DLGAP2: variants seen among roughly 807,000 people sequenced by gnomAD.
DLGAP2 encodes the protein disks large-associated protein 2.
Under a neutral mutation model 100.3 loss-of-function variants are expected in DLGAP2, and 26 were observed. The observed-to-expected ratio is 0.26, with a 90% confidence interval of 0.19 to 0.36. The LOEUF is 0.36. Ranked by LOEUF, DLGAP2 falls within the 10% of genes least tolerant of loss-of-function variation. The pLI is 1.00. For missense variants in DLGAP2, 1,858 were observed against 1,453.2 expected, an observed-to-expected ratio of 1.28 and a Z score of -4.53; for synonymous variants, 886 against 630.1, an observed-to-expected ratio of 1.41 and a Z score of -6.08.
At chr8:1,223,623 C>A (rs1254682887) in intron 2 of DLGAP2, among the ~76,000 whole-genome samples, 1 of 152,194 alleles carries the variant, frequency 6.6e-6, no homozygotes, top group South Asian at 2.1e-4. Context: ...GCCTTAAACA[C>A]TAGAGACATA....
At chr8:1,179,041 G>C (rs75069108) in intron 2 of DLGAP2, among the ~76,000 whole-genome samples, 5 of 152,184 alleles carry the variant, frequency 3.3e-5, no homozygotes, top group African/African-American at 1.2e-4. Flanking sequence ...TTCTATAAGG[G>C]GTTGAGTTTT....
At chr8:1,061,335 T>A (rs1348411166) in intron 2 of DLGAP2, among the ~76,000 whole-genome samples, 3 of 152,104 alleles carry the variant, frequency 2.0e-5, no homozygotes, top group African/African-American at 7.2e-5. Context: ...GTTTCTACCA[T>A]CAGCTTTCTT....
chr8:882,008 C>T (rs1243885651), intron 1 of DLGAP2, among the ~76,000 whole-genome samples: 12 of 152,136 alleles, frequency 7.9e-5, no homozygotes, highest in East Asian at 1.9e-4. Flanking sequence ...TTCCAGAGGG[C>T]ATAAGTGCTC....
intron 2 of DLGAP2, among the ~76,000 whole-genome samples, chr8:1,033,677 G>A (rs1184539271): frequency 6.6e-6 from 1 of 152,046 alleles, no homozygotes; most frequent in African/African-American, 2.4e-5. Flanking sequence ...CCCAAGTTAG[G>A]GAATGAGAAC....
At chr8:885,970 G>T (rs983564046) in intron 1 of DLGAP2, among the ~76,000 whole-genome samples, 4 of 152,176 alleles carry the variant, frequency 2.6e-5, no homozygotes, top group African/African-American at 7.2e-5. Flanking sequence ...GTTTCAGAAG[G>T]AATGGTACCA....
At chr8:1,313,123 G>A (rs1207559358) in intron 3 of DLGAP2, among the ~76,000 whole-genome samples, 1 of 152,172 alleles carries the variant, frequency 6.6e-6, no homozygotes, top group African/African-American at 2.4e-5. Context: ...TGCCCCTTTG[G>A]GGGGTGACAT....
At chr8:1,409,754 A>G (rs1222653203) in intron 3 of DLGAP2, among the ~76,000 whole-genome samples, 2 of 152,132 alleles carry the variant, frequency 1.3e-5, no homozygotes, top group African/African-American at 4.8e-5. Flanking sequence ...TGAAAGAGGA[A>G]GGGAGGACCT....
chr8:1,366,410 C>A (rs959200279), intron 3 of DLGAP2, among the ~76,000 whole-genome samples: 1 of 152,152 alleles, frequency 6.6e-6, no homozygotes. Flanking sequence ...TGTGAGAGAA[C>A]CAAGCGCACT....
At chr8:1,433,302 G>T (rs1315198963) in intron 3 of DLGAP2, among the ~76,000 whole-genome samples, 1 of 152,234 alleles carries the variant, frequency 6.6e-6, no homozygotes, top group East Asian at 1.9e-4. Context: ...AACAACCCCT[G>T]TACTGGTCCA....
chr8:928,174 G>A (rs901912310), intron 2 of DLGAP2, among the ~76,000 whole-genome samples: 3 of 152,194 alleles, frequency 2.0e-5, no homozygotes, highest in Non-Finnish European at 2.9e-5. Flanking sequence ...ATGTACTGAG[G>A]CTGAGTTCAT....
At chr8:1,578,704 G>A (rs1348302231) in intron 6 of DLGAP2, among the ~76,000 whole-genome samples, 1 of 152,144 alleles carries the variant, frequency 6.6e-6, no homozygotes, top group East Asian at 1.9e-4. Context: ...ATATATATAA[G>A]CGTTTTCACT....
intron 1 of DLGAP2, among the ~76,000 whole-genome samples, chr8:898,985 G>C (rs77789940): frequency 1.3e-3 from 198 of 152,350 alleles, no homozygotes; most frequent in African/African-American, 4.5e-3. Flanking sequence ...TCCTGCGTGG[G>C]TCCAGCAGAA....
At chr8:1,178,972 G>A (rs573790448) in intron 2 of DLGAP2, among the ~76,000 whole-genome samples, 4 of 146,586 alleles carry the variant, frequency 2.7e-5, no homozygotes, top group African/African-American at 9.8e-5. Context: ...CTCGTCTCCA[G>A]TTCACCAGCT....
chr8:848,938 C>A (rs1200090109), intron 1 of DLGAP2, among the ~76,000 whole-genome samples: 1 of 142,930 alleles, frequency 7.0e-6, no homozygotes, highest in Non-Finnish European at 1.5e-5. Context: ...CCTGTTCCAG[C>A]ATAGGAACGC....
chr8:802,124 CCGTCCT>C (rs1796175888), intron 1 of DLGAP2, among the ~76,000 whole-genome samples: 1 of 150,774 alleles, frequency 6.6e-6, no homozygotes, highest in Non-Finnish European at 1.5e-5. Flanking sequence ...CCTGGGCCCT[CCGTCCT>C]CACGGCCTGG....
At chr8:983,207 C>T (rs1479457485) in intron 2 of DLGAP2, among the ~76,000 whole-genome samples, 3 of 152,150 alleles carry the variant, frequency 2.0e-5, no homozygotes, top group African/African-American at 4.8e-5. Context: ...TTAGAATCCA[C>T]GTGTTGGTGG....
At chr8:824,542 C>T (rs189060411) in intron 1 of DLGAP2, among the ~76,000 whole-genome samples, 1 of 152,146 alleles carries the variant, frequency 6.6e-6, no homozygotes, top group Admixed American at 6.5e-5. Context: ...ACCCAGTATT[C>T]GTGACTCCTG....
chr8:1,135,503 G>A (rs1359131207), intron 2 of DLGAP2, among the ~76,000 whole-genome samples: 1 of 92,194 alleles, frequency 1.1e-5, no homozygotes, highest in African/African-American at 4.0e-5. Flanking sequence ...TTTTTTGTGG[G>A]TTTTTTTTTT....
intron 2 of DLGAP2, among the ~76,000 whole-genome samples, chr8:1,026,574 T>A (rs1168737861): frequency 6.6e-6 from 1 of 152,208 alleles, no homozygotes; most frequent in Non-Finnish European, 1.5e-5. Flanking sequence ...GAACATTTTC[T>A]TAATTTGTCA....
Sources: allele counts gnomAD v4.1 joint callset (sites outside exome capture counted in the v4.1 genomes callset), GRCh38; gene constraint gnomAD v4.1.1; transcripts MANE v1.5; gene names NCBI Gene and HGNC (gene_info 2026-07-23, HGNC 2026-07-21).